The following DEPDC4 variants were observed in gnomAD, a reference collection of about 807,000 sequenced individuals.
The protein encoded by DEPDC4 is DEP domain containing 4.
Under a neutral mutation model 52.0 loss-of-function variants are expected in DEPDC4, and 52 were observed. That is an observed-to-expected ratio of 1.00 (90% confidence interval 0.80 to 1.26). The LOEUF (loss-of-function observed/expected upper bound fraction) is 1.26. DEPDC4 is among the 50% of genes most tolerant of loss of function. DEPDC4 has a pLI of 0.00. For synonymous variants in DEPDC4, 201 were observed against 196.8 expected, an observed-to-expected ratio of 1.02 and a Z score of -0.18; for missense variants, 530 against 546.9, an observed-to-expected ratio of 0.97 and a Z score of 0.31.
the DEPDC4 span, among the ~76,000 whole-genome samples, chr12:100,278,650 A>C: frequency 1.0e-5 from 1 of 98,112 alleles, no homozygotes; most frequent in East Asian, 2.8e-4. Context: ...TTTTTTTTTG[A>C]GATGGAGTCT....
the DEPDC4 span, among the ~76,000 whole-genome samples, chr12:100,274,592 A>G: frequency 6.6e-6 from 1 of 152,216 alleles, no homozygotes; most frequent in African/African-American, 2.4e-5. Flanking sequence ...GCTTTCTCAT[A>G]GAATTAAATC....
intron 9 of DEPDC4, among the ~76,000 whole-genome samples, chr12:100,232,088 C>G (rs1433063174): frequency 6.6e-6 from 1 of 152,040 alleles, no homozygotes; most frequent in African/African-American, 2.4e-5. Flanking sequence ...AGTCAGTGAA[C>G]AGTTGTGTAA....
At chr12:100,245,584 C>T (rs1262075794) in intron 8 of DEPDC4, among the ~76,000 whole-genome samples, 1 of 152,232 alleles carries the variant, frequency 6.6e-6, no homozygotes, top group Non-Finnish European at 1.5e-5. Flanking sequence ...TTCTTCGTAA[C>T]CCACAAGTGA....
Position 100,262,381 on chromosome 12 carries a change from G to C in DEPDC4, c.583C>G (p.Leu195Val), listed in dbSNP as rs771215809. The change falls in exon 3 of 10, where the codon CTA (leucine) becomes GTA (valine). Residue 195 changes from leucine (L) to valine (V), a missense_variant. Physicochemically the swap from Leu to Val is conservative, Grantham distance 32 (BLOSUM62 1). Coordinates refer to ENST00000550587, the MANE Select transcript of DEPDC4 (RefSeq NM_001364818.2). ...CTTTCCTCACCAATCTCCTGTGCTA[G>C]AGGATTTGAAATCATTTCATATCCT... ...RPGYEMISNP[L>V]AQEIGEERIE... 41 of 1,610,376 alleles carry C rather than the reference G, an allele frequency of 2.5e-5. No homozygotes were observed. Among genetic ancestry groups the C allele is most frequent in the Non-Finnish European group, 3.5e-5 (41 of 1,179,334 alleles).
chr12:100,281,358 T>G, the DEPDC4 span, among the ~76,000 whole-genome samples: 2 of 152,168 alleles, frequency 1.3e-5, no homozygotes, highest in African/African-American at 2.4e-5. Flanking sequence ...CATAGTTGAA[T>G]GTAATTATTG....
chr12:100,255,243 C>T (rs1475636169), intron 4 of DEPDC4, among the ~76,000 whole-genome samples: 1 of 152,230 alleles, frequency 6.6e-6, no homozygotes, highest in Non-Finnish European at 1.5e-5. Flanking sequence ...TGTTTCTTTT[C>T]TGGTGTCCCT....
chr12:100,257,181 G>A (rs867004424), intron 3 of DEPDC4, among the ~76,000 whole-genome samples: 1 of 149,334 alleles, frequency 6.7e-6, no homozygotes, highest in African/African-American at 2.5e-5. Flanking sequence ...CCGCTGAAGT[G>A]ATTCTCCTGC....
intron 1 of DEPDC4, 132 bp downstream of exon 1, chr12:100,266,788 A>G: frequency 1.6e-6 from 2 of 1,231,522 alleles, no homozygotes; most frequent in Non-Finnish European, 2.2e-6. Flanking sequence ...AGTGCCTGGT[A>G]GGGCAGGAAG....
At chr12:100,250,902 T>C (rs966224410) in intron 7 of DEPDC4, among the ~76,000 whole-genome samples, 1 of 152,178 alleles carries the variant, frequency 6.6e-6, no homozygotes, top group Non-Finnish European at 1.5e-5. Context: ...ACCTAACAAC[T>C]GACTTACAAA....
At chr12:100,256,798 T>C (rs904829313) in intron 3 of DEPDC4, among the ~76,000 whole-genome samples, 20 of 151,966 alleles carry the variant, frequency 1.3e-4, no homozygotes, top group East Asian at 1.2e-3. Flanking sequence ...CCCACCACCA[T>C]GCCCGGCTAA....
intron 3 of DEPDC4, among the ~76,000 whole-genome samples, chr12:100,258,773 C>CA (rs936043470): frequency 2.0e-5 from 3 of 149,182 alleles, no homozygotes; most frequent in African/African-American, 7.6e-5. Context: ...GAAATACAAA[C>CA]AAAAAAATTA....
chr12:100,244,134 T>TATATATATACATAC (rs1403751762), intron 8 of DEPDC4, among the ~76,000 whole-genome samples: 1 of 121,794 alleles, frequency 8.2e-6, no homozygotes, highest in Non-Finnish European at 1.7e-5. Context: ...TATATATATA[T>TATATATATACATAC]ACACAAAATA....
chr12:100,241,838 C>T lies in DEPDC4; in HGVS notation c.*54G>A, dbSNP rs553791801. On this transcript the variant is annotated 3_prime_UTR_variant, in exon 10 of 10. Transcript: ENST00000550587. ...CCTTGTATGTCAAGGGTTGGCAAAA[C>T]GTAAAGCCTGGAAAAAAAAAAAAAA... 2.8e-5 allele frequency: 30 copies of T among 1,089,762 alleles called. No homozygotes were observed. In the East Asian group the frequency reaches 2.0e-3, roughly 72 times the overall value. The allele number at this position is 1,089,762 out of a possible 1,614,324, so 67.5% of individuals were successfully genotyped here.
intron 1 of DEPDC4, 120 bp from the exon 2 acceptor site, chr12:100,264,013 G>T: frequency 2.3e-6 from 2 of 855,892 alleles, no homozygotes; most frequent in South Asian, 3.8e-5. Flanking sequence ...TCCTTCTTAC[G>T]TGTCATCTCA....
At chr12:100,253,066 G>A (rs368850551) in intron 5 of DEPDC4, among the ~76,000 whole-genome samples, 4 of 152,052 alleles carry the variant, frequency 2.6e-5, no homozygotes, top group South Asian at 4.1e-4. Flanking sequence ...ACAGGCGCCC[G>A]CCACTACACC....
chr12:100,274,039 T>C, the DEPDC4 span, among the ~76,000 whole-genome samples: 21 of 152,232 alleles, frequency 1.4e-4, no homozygotes, highest in Admixed American at 1.4e-3. Flanking sequence ...GTAAATGTTT[T>C]CATAATGCCA....
rs1445621574 is a variant in DEPDC4 at position 100,252,242 on chromosome 12, T to C, written c.1308A>G (p.Ser436=). Residue 436 remains serine (S), a synonymous_variant, in exon 7 of 10, where the codon TCA becomes TCG. Coordinates refer to ENST00000550587, the MANE Select transcript of DEPDC4 (RefSeq NM_001364818.2). Reference sequence around the variant, plus strand: ...GTTGTTCTGCCCGCACTTTTAATAATGATTTGGCTTGCAAAACTGATTTGG... The same window carrying C: ...GTTGTTCTGCCCGCACTTTTAATAACGATTTGGCTTGCAAAACTGATTTGG... ...TLAKSVLQAK[S]LLKVRAEQLV... The C allele has an allele frequency of 7.4e-7, 1 of 1,356,826 alleles. No individual in the cohort carries two copies. Among genetic ancestry groups the C allele is most frequent in the African/African-American group, 1.5e-5 (1 of 67,656 alleles). 84.0% of individuals were successfully genotyped at this position (1,356,826 alleles called of 1,614,324 possible). A position where few individuals can be genotyped will look rare whatever the true frequency, so the allele number is the denominator to read the frequency against.
At position 100,252,504 on chromosome 12, in the gene DEPDC4, T is replaced by C. The variant is rs1385099911; in HGVS notation, c.1138A>G (p.Thr380Ala). Residue 380 changes from threonine (T) to alanine (A), a missense_variant, in exon 6 of 10, where the codon ACA becomes GCA. Transcript: ENST00000550587. ...NEKRAEALEA[T>A]QLYLRLLLLN... ...AACAGCAATCTTAGATATAGTTGTG[T>C]TGCTTCAAGTGCTTCTGCTCTTTTC... The C allele has an allele frequency of 6.2e-7, 1 of 1,607,930 alleles. No homozygotes were observed. Among genetic ancestry groups the C allele is most frequent in the Admixed American group, 1.7e-5 (1 of 59,070 alleles).
chr12:100,260,982 A>G (rs957509016), intron 3 of DEPDC4, among the ~76,000 whole-genome samples: 4 of 152,156 alleles, frequency 2.6e-5, no homozygotes, highest in Admixed American at 6.5e-5. Flanking sequence ...GGAGTTCGAG[A>G]CCAACCTGGC....
Sources: gnomAD v4.1 joint callset for allele counts (sites outside exome capture counted in the v4.1 genomes callset) on GRCh38, gnomAD v4.1.1 for gene constraint, MANE v1.5 for transcripts, NCBI Gene and HGNC (gene_info 2026-07-23, HGNC 2026-07-21) for gene names.